Variants in CDX1 observed in about 807,000 individuals in gnomAD.
CDX1 encodes homeobox protein CDX-1.
CDX1 carries 9 observed loss-of-function variants against 16.9 expected under a neutral mutation model. The observed-to-expected ratio is 0.53, with a 90% CI of 0.32 to 0.93. The LOEUF is 0.93. CDX1 is among the 40% of genes least tolerant of loss of function. The probability of loss-of-function intolerance (pLI) is 0.04; values close to 1 mark genes in which losing one functional copy is unlikely to be tolerated. For missense variants in CDX1, 393 were observed against 386.1 expected (o/e 1.02, Z -0.15); for synonymous variants, 179 against 179.0 (o/e 1.00, Z 0.00).
rs753337473 is a variant in CDX1, at chr5:150,166,862, GA to G, written c.-14del. The G allele has an allele frequency of 6.8e-6, 10 of 1,464,598 alleles. No homozygotes were observed. The highest frequency in any genetic ancestry group is 2.9e-5 in the East Asian group (1 of 34,194). The allele number at this position is 1,464,598 out of a possible 1,614,324, so 90.7% of individuals were successfully genotyped here. A position where few individuals can be genotyped will look rare whatever the true frequency, so the allele number is the denominator to read the frequency against. On this transcript the variant is annotated 5_prime_UTR_variant, in exon 1 of 3. Transcript: ENST00000231656. ...GCTCCAGGGCCCAGCATGCGCGGGGGACCCCGCGGCCACCATGTATGTGGGC... is the reference window on the plus strand; with the variant it reads ...GCTCCAGGGCCCAGCATGCGCGGGGGCCCCGCGGCCACCATGTATGTGGGC...
rs1479772671 is a variant in CDX1 at position 150,182,873 on chromosome 5, A to T, written c.551A>T (p.Lys184Ile). 6.2e-7 allele frequency: 1 copy of T among 1,612,976 alleles called. No individual in the cohort carries two copies. The highest frequency in any genetic ancestry group is 2.2e-5 in the East Asian group (1 of 44,814). ...AGCCGTTACATCACAATCCGGCGGA[A>T]ATCAGAGCTGGCTGCCAATCTGGGG... Reference protein sequence around the residue: ...HYSRYITIRRKSELAANLGLT... With the variant: ...HYSRYITIRRISELAANLGLT... Residue 184 changes from lysine to isoleucine, a missense_variant, in exon 2 of 3, where the codon AAA (lysine) becomes ATA (isoleucine). Physicochemically the swap from Lys to Ile is moderately radical, Grantham distance 102. Coordinates refer to ENST00000231656, the MANE Select transcript of CDX1 (RefSeq NM_001804.3).
intron 1 of CDX1, among the ~76,000 whole-genome samples, chr5:150,177,071 C>A (rs1218628685): frequency 6.6e-6 from 1 of 152,230 alleles, no homozygotes; most frequent in Non-Finnish European, 1.5e-5. Flanking sequence ...GACCTAGGGG[C>A]CATTTGATTG....
chr5:150,167,382 C>A, intron 1 of CDX1, 61 bp downstream of exon 1: 1 of 1,157,246 alleles, frequency 8.6e-7, no homozygotes, highest in Non-Finnish European at 1.1e-6. Flanking sequence ...GCGGCCCAGG[C>A]CGCCCCCTGT....
In CDX1 at chr5:150,167,219, C is replaced by T. The variant is rs1224563893; in HGVS notation, c.343C>T (p.Pro115Ser). Residue 115 changes from proline (P) to serine (S), a missense_variant, in exon 1 of 3, where the codon CCC (proline) becomes TCC (serine). Coordinates refer to ENST00000231656, the MANE Select transcript of CDX1 (RefSeq NM_001804.3). ...PGPGPGLLAQ[P>S]LGGPGTPSSP... ...GCCCGGCCCGGGCCTCCTGGCGCAGCCCCTCGGGGGCCCGGGCACACCGTC... is the reference window on the plus strand; with the variant it reads ...GCCCGGCCCGGGCCTCCTGGCGCAGTCCCTCGGGGGCCCGGGCACACCGTC... The T allele has an allele frequency of 7.9e-7, 1 of 1,261,530 alleles. No individual in the cohort carries two copies. Among genetic ancestry groups the T allele is most frequent in the Non-Finnish European group, 9.9e-7 (1 of 1,008,126 alleles). The allele number at this position is 1,261,530 out of a possible 1,614,324, so 78.1% of individuals were successfully genotyped here.
intron 1 of CDX1, among the ~76,000 whole-genome samples, chr5:150,181,596 G>A (rs1179947748): frequency 1.3e-5 from 2 of 152,054 alleles, no homozygotes; most frequent in Non-Finnish European, 2.9e-5. Context: ...ACTCTTTCCT[G>A]TACCTCCTTT....
Position 150,183,906 on chromosome 5 carries a change from C to T in CDX1, c.*226C>T, listed in dbSNP as rs1752508758. 1 of 385,870 alleles carries T rather than the reference C, an allele frequency of 2.6e-6. No individual in the cohort carries two copies. 23.9% of individuals were successfully genotyped at this position (385,870 alleles called of 1,614,324 possible). The stretch of plus-strand genomic sequence containing the variant: ...TAGACCTCTGGGGGATAAGGGAGTC[C>T]AGGGTGGATGATCTCAATCTCCCGT... On this transcript the variant is annotated 3_prime_UTR_variant, in exon 3 of 3. Transcript: ENST00000231656.
intron 2 of CDX1, 103 bp from the exon 3 acceptor site, chr5:150,183,371 C>A: frequency 9.3e-7 from 1 of 1,070,544 alleles, no homozygotes; most frequent in Non-Finnish European, 1.3e-6. Flanking sequence ...GCCACAAAGC[C>A]ACATGGAGAA....
intron 2 of CDX1, among the ~76,000 whole-genome samples, 190 bp from the exon 3 acceptor site, chr5:150,183,284 C>T (rs1474946708): frequency 6.6e-6 from 1 of 152,012 alleles, no homozygotes; most frequent in East Asian, 1.9e-4. Flanking sequence ...AGGGCATCTC[C>T]AGGGTAGGGG....
rs79695116 is a variant in CDX1 at position 150,177,589 on chromosome 5, C to A, written c.446-5179C>A. The stretch of plus-strand genomic sequence containing the variant: ...AATCCCACCTGCCTGATGCGTGGTC[C>A]TCTCTGACCCTGAGTTTTCTCATCT... On this transcript the variant is annotated intron_variant, in intron 1 of 2. Coordinates refer to ENST00000231656, the MANE Select transcript of CDX1 (RefSeq NM_001804.3). Among the ~76,000 whole-genome samples the A allele has an allele frequency of 7.0e-3, 1,072 of 152,308 alleles. 17 individuals are homozygous for A. The highest frequency in any genetic ancestry group is 0.025 in the African/African-American group (1,028 of 41,548).
chr5:150,170,195 A>C (rs1378469191), intron 1 of CDX1, among the ~76,000 whole-genome samples: 1 of 152,160 alleles, frequency 6.6e-6, no homozygotes, highest in African/African-American at 2.4e-5. Flanking sequence ...ATTCTTTGCA[A>C]GAGTGGAACC....
At chr5:150,180,552 C>T (rs1761628282) in intron 1 of CDX1, among the ~76,000 whole-genome samples, 1 of 152,042 alleles carries the variant, frequency 6.6e-6, no homozygotes, top group African/African-American at 2.4e-5. Context: ...GTGGTTAGTA[C>T]AGGGGTGCTG....
intron 1 of CDX1, among the ~76,000 whole-genome samples, chr5:150,175,975 C>T (rs985701507): frequency 6.6e-6 from 1 of 152,226 alleles, no homozygotes; most frequent in Non-Finnish European, 1.5e-5. Context: ...GTTCCCCAGG[C>T]AGGGGAAGGA....
At chr5:150,175,069 G>T (rs576373863) in intron 1 of CDX1, among the ~76,000 whole-genome samples, 1 of 151,940 alleles carries the variant, frequency 6.6e-6, no homozygotes, top group South Asian at 2.1e-4. Flanking sequence ...GAGCCACCTC[G>T]CCTGGCCTCT....
At chr5:150,178,249 C>T (rs1038249841) in intron 1 of CDX1, among the ~76,000 whole-genome samples, 3 of 152,302 alleles carry the variant, frequency 2.0e-5, no homozygotes, top group South Asian at 4.1e-4. Flanking sequence ...GGACATTCTG[C>T]GCATCCCAAA....
At chr5:150,179,472 C>T (rs963649966) in intron 1 of CDX1, among the ~76,000 whole-genome samples, 10 of 152,242 alleles carry the variant, frequency 6.6e-5, no homozygotes, top group African/African-American at 2.4e-4. Flanking sequence ...GGTCAGAAAC[C>T]TGAGTCCTGG....
At position 150,166,977 on chromosome 5, in the gene CDX1, C is replaced by A; in HGVS notation, c.101C>A (p.Ala34Asp). ...GLGPQAYGPP[A>D]PPPAPPQYPD... Reference sequence around the variant, plus strand: ...GGCCCGCAAGCCTACGGCCCCCCGGCCCCGCCCCCGGCGCCCCCGCAGTAC... The same window carrying A: ...GGCCCGCAAGCCTACGGCCCCCCGGACCCGCCCCCGGCGCCCCCGCAGTAC... Residue 34 changes from alanine to aspartate, a missense_variant, in exon 1 of 3, where the codon GCC becomes GAC. Physicochemically the swap from Ala to Asp is moderately radical, Grantham distance 126. Transcript: ENST00000231656. The A allele has an allele frequency of 6.9e-7, 1 of 1,451,746 alleles. No individual in the cohort carries two copies. Among genetic ancestry groups the A allele is most frequent in the African/African-American group, 1.5e-5 (1 of 67,318 alleles). 89.9% of individuals were successfully genotyped at this position (1,451,746 alleles called of 1,614,324 possible). A position where few individuals can be genotyped will look rare whatever the true frequency, so the allele number is the denominator to read the frequency against.
chr5:150,183,539 G>A lies in CDX1; in HGVS notation c.657G>A (p.Gln219=), dbSNP rs777641042. ...ERKVNKKKQQ[Q]QQPPQPPMAH... ...AAGTGAACAAGAAGAAACAGCAGCA[G>A]CAACAGCCCCCACAGCCGCCGATGG... Residue 219 remains glutamine (Q), a synonymous_variant, in exon 3 of 3, where the codon CAG becomes CAA. Transcript: ENST00000231656. 1.5e-5 allele frequency: 24 copies of A among 1,612,364 alleles called. No individual in the cohort carries two copies. The highest frequency in any genetic ancestry group is 3.3e-5 in the South Asian group (3 of 90,950).
At chr5:150,174,326 G>C (rs550848150) in intron 1 of CDX1, among the ~76,000 whole-genome samples, 1 of 152,376 alleles carries the variant, frequency 6.6e-6, no homozygotes, top group East Asian at 1.9e-4. Context: ...TTCGGCCTCA[G>C]AGAAGACCTG....
At chr5:150,170,497 A>G (rs1459443116) in intron 1 of CDX1, among the ~76,000 whole-genome samples, 3 of 152,198 alleles carry the variant, frequency 2.0e-5, no homozygotes, top group African/African-American at 7.2e-5. Flanking sequence ...AGTGTGAGGG[A>G]CAAAAGGCAT....
Sources: allele counts gnomAD v4.1 joint callset (sites outside exome capture counted in the v4.1 genomes callset), GRCh38; gene constraint gnomAD v4.1.1; transcripts MANE v1.5; gene names NCBI Gene and HGNC (gene_info 2026-07-23, HGNC 2026-07-21).